CEP112: variants seen among roughly 807,000 people sequenced by gnomAD.
The protein encoded by CEP112 is centrosomal protein of 112 kDa.
In CEP112, 127 loss-of-function variants were observed where a neutral mutation model predicts 153.0. The observed-to-expected ratio is 0.83, with a 90% CI of 0.72 to 0.96. The LOEUF (loss-of-function observed/expected upper bound fraction) is 0.96, where lower values mean the gene tolerates loss of function less well. Among genes scored for constraint, CEP112 ranks in the 40% least tolerant of loss-of-function variants. The pLI is 0.00. For synonymous variants in CEP112, 358 were observed against 374.4 expected (o/e 0.96, Z 0.51); for missense variants, 1,089 against 1,101.2 (o/e 0.99, Z 0.16).
chr17:66,159,567 A>C (rs2071605538), intron 4 of CEP112, among the ~76,000 whole-genome samples: 1 of 152,214 alleles, frequency 6.6e-6, no homozygotes, highest in Non-Finnish European at 1.5e-5. Context: ...AATAAATGTA[A>C]TCCATCACAT....
At chr17:66,183,121 G>T in intron 2 of CEP112, 73 bp downstream of exon 2, 1 of 1,042,126 alleles carries the variant, frequency 9.6e-7, no homozygotes, top group Non-Finnish European at 1.4e-6. Context: ...CATGTTGATA[G>T]TTCATTGGTT....
chr17:65,680,520 A>G (rs1195064328), intron 24 of CEP112, among the ~76,000 whole-genome samples: 1 of 151,844 alleles, frequency 6.6e-6, no homozygotes, highest in Non-Finnish European at 1.5e-5. Context: ...TCTTCCTCCC[A>G]TTAATTCACC....
At chr17:65,992,368 G>A (rs11867669) in intron 17 of CEP112, among the ~76,000 whole-genome samples, 6,054 of 152,098 alleles carry the variant, frequency 0.04, 167 homozygotes, top group South Asian at 0.11. Context: ...TTTTTCCACT[G>A]TAATGGAATA....
intron 17 of CEP112, among the ~76,000 whole-genome samples, chr17:65,990,201 C>A (rs1455846095): frequency 6.6e-6 from 1 of 152,142 alleles, no homozygotes; most frequent in Non-Finnish European, 1.5e-5. Flanking sequence ...GAACTCAATT[C>A]TCCAATAAAA....
chr17:65,900,557 C>T (rs972757380), intron 20 of CEP112, among the ~76,000 whole-genome samples: 6 of 152,100 alleles, frequency 3.9e-5, no homozygotes, highest in African/African-American at 1.2e-4. Context: ...CCACTTGTAT[C>T]GGCTTCCCAT....
chr17:66,079,823 G>C (rs561596932), intron 8 of CEP112, among the ~76,000 whole-genome samples: 1 of 151,954 alleles, frequency 6.6e-6, no homozygotes, highest in East Asian at 1.9e-4. Context: ...ATAGATCAAC[G>C]GAACAGAACA....
intron 23 of CEP112, among the ~76,000 whole-genome samples, chr17:65,741,667 C>T (rs961891316): frequency 4.0e-5 from 6 of 151,450 alleles, no homozygotes; most frequent in Non-Finnish European, 7.4e-5. Flanking sequence ...TTCATATTTT[C>T]CATTTTTGCT....
At chr17:66,085,421 T>TG (rs1403946271) in intron 8 of CEP112, among the ~76,000 whole-genome samples, 1 of 152,148 alleles carries the variant, frequency 6.6e-6, no homozygotes, top group African/African-American at 2.4e-5. Context: ...AAAATGCAAA[T>TG]GTGCCATCCT....
At chr17:65,735,738 C>T (rs1426979033) in intron 23 of CEP112, among the ~76,000 whole-genome samples, 1 of 152,114 alleles carries the variant, frequency 6.6e-6, no homozygotes, top group Non-Finnish European at 1.5e-5. Flanking sequence ...AGCAGTTTTA[C>T]CCACCACTGC....
intron 23 of CEP112, among the ~76,000 whole-genome samples, chr17:65,694,130 TCAGA>T (rs2048250684): frequency 6.6e-6 from 1 of 152,164 alleles, no homozygotes; most frequent in Non-Finnish European, 1.5e-5. Flanking sequence ...GGGCATGCTC[TCAGA>T]CAGAGGTGCA....
At chr17:65,784,091 T>C (rs1226274627) in intron 21 of CEP112, among the ~76,000 whole-genome samples, 1 of 152,214 alleles carries the variant, frequency 6.6e-6, no homozygotes, top group African/African-American at 2.4e-5. Context: ...GAGTCAGCAC[T>C]GGAATGAAGA....
intron 24 of CEP112, among the ~76,000 whole-genome samples, chr17:65,674,661 T>C (rs552951950): frequency 6.6e-6 from 1 of 152,348 alleles, no homozygotes; most frequent in East Asian, 1.9e-4. Context: ...TCAAGTCATC[T>C]CAATCTTTGA....
chr17:66,166,582 G>C (rs919559096), intron 4 of CEP112, among the ~76,000 whole-genome samples: 1 of 152,042 alleles, frequency 6.6e-6, no homozygotes, highest in African/African-American at 2.4e-5. Context: ...AGAATATATA[G>C]ATGATGTGAA....
At chr17:65,651,208 G>GT (rs1355576664) in intron 24 of CEP112, among the ~76,000 whole-genome samples, 9 of 152,164 alleles carry the variant, frequency 5.9e-5, no homozygotes, top group Admixed American at 2.6e-4. Context: ...CCATCCCTGA[G>GT]TTACTTCACT....
intron 8 of CEP112, among the ~76,000 whole-genome samples, chr17:66,091,890 T>TA (rs1302149920): frequency 6.6e-6 from 1 of 152,086 alleles, no homozygotes; most frequent in Non-Finnish European, 1.5e-5. Flanking sequence ...GAAAGACTAC[T>TA]ATGAGTAATT....
chr17:65,786,058 G>A (rs1307660563), intron 21 of CEP112, among the ~76,000 whole-genome samples: 2 of 152,088 alleles, frequency 1.3e-5, no homozygotes, highest in African/African-American at 4.8e-5. Context: ...CTGTAAATAT[G>A]AATGCCTTTT....
chr17:65,686,864 G>T (rs1479894508), intron 24 of CEP112, among the ~76,000 whole-genome samples: 1 of 150,618 alleles, frequency 6.6e-6, no homozygotes, highest in African/African-American at 2.4e-5. Flanking sequence ...TTGCTATCCA[G>T]TTTTTTTTTT....
At chr17:65,674,495 C>T (rs552900061) in intron 24 of CEP112, among the ~76,000 whole-genome samples, 1 of 152,130 alleles carries the variant, frequency 6.6e-6, no homozygotes, top group Non-Finnish European at 1.5e-5. Flanking sequence ...GTTTCACACA[C>T]AAAAAATCCA....
chr17:65,674,001 C>T (rs144368882), intron 24 of CEP112, among the ~76,000 whole-genome samples: 104 of 152,244 alleles, frequency 6.8e-4, no homozygotes, highest in African/African-American at 2.3e-3. Context: ...CTCAGTCTCC[C>T]GAGTAGCTGG....
Sources: gnomAD v4.1 joint callset for allele counts (sites outside exome capture counted in the v4.1 genomes callset) on GRCh38, gnomAD v4.1.1 for gene constraint, MANE v1.5 for transcripts, NCBI Gene and HGNC (gene_info 2026-07-23, HGNC 2026-07-21) for gene names.